FGD6: variants seen among roughly 807,000 people sequenced by gnomAD.
FGD6 encodes FYVE, RhoGEF and PH domain-containing protein 6.
A neutral mutation model predicts 149.4 loss-of-function variants in FGD6; 90 were observed. The observed-to-expected ratio is 0.60, with a 90% CI of 0.51 to 0.72. The LOEUF (loss-of-function observed/expected upper bound fraction) is 0.72. Among genes scored for constraint, FGD6 ranks in the 30% least tolerant of loss-of-function variants. FGD6 has a pLI of 0.00. For missense variants in FGD6, 1,437 were observed against 1,684.8 expected, an observed-to-expected ratio of 0.85 and a Z score of 2.57; for synonymous variants, 527 against 584.0, an observed-to-expected ratio of 0.90 and a Z score of 1.41.
chr12:95,209,401 TTA>T lies in FGD6; in HGVS notation c.1881_1882del (p.Phe627LeufsTer16), dbSNP rs1565924889. On this transcript the variant is annotated frameshift_variant, in exon 2 of 21. Coordinates refer to ENST00000343958, the MANE Select transcript of FGD6 (RefSeq NM_018351.4). LOFTEE classifies it high-confidence loss of function. The stretch of plus-strand genomic sequence containing the variant: ...GGACAGTTTCATGCTGAGCAACTTT[TTA>T]AAAGAGTTTTTCTTTGTAGAGTCTT... The T allele has an allele frequency of 6.2e-7, 1 of 1,613,154 alleles. No homozygotes were observed.
intron 14 of FGD6, among the ~76,000 whole-genome samples, chr12:95,100,043 TAACTTTTCTGATCCCC>T (rs917873743): frequency 3.1e-4 from 37 of 119,722 alleles, no homozygotes; most frequent in South Asian, 1.6e-3. Context: ...TCCTCAGAGA[TAACTTTTCTGATCCCC>T]CCCCCCCCCA....
At chr12:95,151,132 A>G (rs12372256) in intron 5 of FGD6, among the ~76,000 whole-genome samples, 5,218 of 152,210 alleles carry the variant, frequency 0.034, 127 homozygotes, top group Middle Eastern at 0.054. Flanking sequence ...AGAACTTATC[A>G]ATATTACCAA....
At position 95,092,687 on chromosome 12, in the gene FGD6, A is replaced by G; in HGVS notation, c.3747+12T>C. On this transcript the variant is annotated intron_variant, in intron 16 of 20. Coordinates refer to ENST00000343958, the MANE Select transcript of FGD6 (RefSeq NM_018351.4). ...AAAGACCACAATGGAGATGGGTGTT[A>G]TCATCGCCAACCTTTCCACAGGCCC... 5 of 1,613,418 alleles carry G rather than the reference A, an allele frequency of 3.1e-6. No individual in the cohort carries two copies. The highest frequency in any genetic ancestry group is 1.7e-6 in the Non-Finnish European group (2 of 1,179,836).
intron 8 of FGD6, among the ~76,000 whole-genome samples, chr12:95,117,421 C>CTT (rs1021156177): frequency 1.4e-5 from 2 of 146,660 alleles, no homozygotes; most frequent in Non-Finnish European, 3.0e-5. Context: ...TGCAAGCTGC[C>CTT]TTTTTTTTTT....
In FGD6 at chr12:95,154,832, A is replaced by C. The variant is rs543677084; in HGVS notation, c.2587-1839T>G. ...AAAAATATGGTAGCAACTTCTCTCTAAAGTAGTCTTCTTTTTAACATTGGA... is the reference window on the plus strand; with the variant it reads ...AAAAATATGGTAGCAACTTCTCTCTCAAGTAGTCTTCTTTTTAACATTGGA... On this transcript the variant is annotated intron_variant, in intron 3 of 20. Transcript: ENST00000343958. Among the ~76,000 whole-genome samples the C allele has an allele frequency of 2.0e-5, 3 of 152,340 alleles. No homozygotes were observed. In the South Asian group the frequency reaches 6.2e-4, roughly 32 times the overall value.
At chr12:95,177,683 G>C (rs1371462669) in intron 2 of FGD6, among the ~76,000 whole-genome samples, 1 of 151,694 alleles carries the variant, frequency 6.6e-6, no homozygotes, top group Admixed American at 6.6e-5. Context: ...ACAGAATGAG[G>C]GGAAAAAAAC....
chr12:95,153,197 A>G (rs1162511428), intron 3 of FGD6, among the ~76,000 whole-genome samples: 1 of 152,242 alleles, frequency 6.6e-6, no homozygotes, highest in African/African-American at 2.4e-5. Context: ...GCAATCAGTA[A>G]TCTTCACTGT....
chr12:95,177,120 G>A (rs978541201), intron 2 of FGD6, among the ~76,000 whole-genome samples: 3 of 152,156 alleles, frequency 2.0e-5, no homozygotes, highest in Non-Finnish European at 4.4e-5. Context: ...GAGCCACCAT[G>A]CCCAGTGGAA....
chr12:95,201,630 A>G (rs1419576826), intron 2 of FGD6, among the ~76,000 whole-genome samples: 1 of 152,148 alleles, frequency 6.6e-6, no homozygotes. Context: ...AATACTTAGG[A>G]GAACATAGTG....
intron 2 of FGD6, among the ~76,000 whole-genome samples, chr12:95,203,715 C>T (rs2056675179): frequency 6.6e-6 from 1 of 152,056 alleles, no homozygotes; most frequent in Non-Finnish European, 1.5e-5. Context: ...GCTAAGTTGC[C>T]TAGGAAAACC....
At chr12:95,202,505 T>G (rs2056668933) in intron 2 of FGD6, among the ~76,000 whole-genome samples, 1 of 152,200 alleles carries the variant, frequency 6.6e-6, no homozygotes, top group Admixed American at 6.5e-5. Context: ...TAATTCCTAA[T>G]ATTTAATTGA....
At chr12:95,205,178 G>A (rs1025863219) in intron 2 of FGD6, among the ~76,000 whole-genome samples, 1 of 151,986 alleles carries the variant, frequency 6.6e-6, no homozygotes, top group African/African-American at 2.4e-5. Flanking sequence ...TGAGATGGGA[G>A]GATCACTTAA....
chr12:95,172,038 G>GGC (rs1555221387), intron 3 of FGD6, among the ~76,000 whole-genome samples: 1 of 136,554 alleles, frequency 7.3e-6, no homozygotes, highest in Non-Finnish European at 1.6e-5. Context: ...AATTCTAAGG[G>GGC]GGGGGGGGTT....
At chr12:95,095,874 T>G (rs1200482027) in intron 14 of FGD6, among the ~76,000 whole-genome samples, 2 of 151,564 alleles carry the variant, frequency 1.3e-5, no homozygotes, top group African/African-American at 2.4e-5. Flanking sequence ...GTTAGCCGGG[T>G]GTGGTGGTGC....
chr12:95,077,560 TAA>T lies in FGD6; in HGVS notation c.*3958_*3959del, dbSNP rs1272924486. On this transcript the variant is annotated 3_prime_UTR_variant, in exon 21 of 21. Coordinates refer to ENST00000343958, the MANE Select transcript of FGD6 (RefSeq NM_018351.4). ...TCACTGGGAAAGCCACTGAGGCATGTAAAAGTGGGGATGAAACTAGATTAGAG... is the reference window on the plus strand; with the variant it reads ...TCACTGGGAAAGCCACTGAGGCATGTAAGTGGGGATGAAACTAGATTAGAG... 1 of 152,204 alleles carries T rather than the reference TAA, an allele frequency of 6.6e-6. No homozygotes were observed. Among genetic ancestry groups the T allele is most frequent in the Non-Finnish European group, 1.5e-5 (1 of 68,048 alleles). The allele number at this position is 152,204 out of a possible 1,614,324, so 9.4% of individuals were successfully genotyped here. A position where few individuals can be genotyped will look rare whatever the true frequency, so the allele number is the denominator to read the frequency against.
chr12:95,187,030 C>T (rs1244243389), intron 2 of FGD6, among the ~76,000 whole-genome samples: 1 of 152,108 alleles, frequency 6.6e-6, no homozygotes, highest in Non-Finnish European at 1.5e-5. Flanking sequence ...AAGTCTAGAA[C>T]TGTATAAAAA....
At chr12:95,174,419 G>A (rs1228349355) in intron 2 of FGD6, among the ~76,000 whole-genome samples, 1 of 151,884 alleles carries the variant, frequency 6.6e-6, no homozygotes, top group Non-Finnish European at 1.5e-5. Context: ...ATTTCCAATC[G>A]GCAGCAGCAT....
chr12:95,130,303 T>A (rs1879482745), intron 8 of FGD6, among the ~76,000 whole-genome samples: 1 of 152,206 alleles, frequency 6.6e-6, no homozygotes, highest in African/African-American at 2.4e-5. Flanking sequence ...CATATCTCAG[T>A]GGGAGGCACA....
chr12:95,131,108 GTTT>G (rs59897965), intron 8 of FGD6, among the ~76,000 whole-genome samples: 5 of 128,350 alleles, frequency 3.9e-5, no homozygotes, highest in African/African-American at 1.1e-4. Flanking sequence ...TGGCTAAAGA[GTTT>G]TTTTTTTTTT....
Sources: allele counts gnomAD v4.1 joint callset (sites outside exome capture counted in the v4.1 genomes callset), GRCh38; gene constraint gnomAD v4.1.1; transcripts MANE v1.5; gene names NCBI Gene and HGNC (gene_info 2026-07-23, HGNC 2026-07-21).